REEP3: variants seen among roughly 807,000 people sequenced by gnomAD.
The protein encoded by REEP3 is receptor expression-enhancing protein 3.
In REEP3, 20 loss-of-function variants were observed where a neutral mutation model predicts 41.3. The observed-to-expected ratio is 0.48, with a 90% confidence interval of 0.34 to 0.70. The LOEUF (loss-of-function observed/expected upper bound fraction) is 0.70, where lower values mean the gene tolerates loss of function less well. REEP3 is among the 30% of genes least tolerant of loss of function. REEP3 has a pLI of 0.01. For synonymous variants in REEP3, 104 were observed against 101.8 expected (o/e 1.02, Z -0.13); for missense variants, 271 against 308.8 (o/e 0.88, Z 0.92).
chr10:63,549,032 G>T (rs1955603858), intron 1 of REEP3, among the ~76,000 whole-genome samples: 1 of 151,528 alleles, frequency 6.6e-6, no homozygotes, highest in African/African-American at 2.4e-5. Flanking sequence ...CTTACTCAGA[G>T]GCCAGAGGCC....
intron 1 of REEP3, among the ~76,000 whole-genome samples, chr10:63,540,277 T>C (rs1487699935): frequency 6.6e-6 from 1 of 152,226 alleles, no homozygotes; most frequent in African/African-American, 2.4e-5. Flanking sequence ...TTCCAGTTAG[T>C]ATGAGAACAA....
intron 2 of REEP3, among the ~76,000 whole-genome samples, chr10:63,566,867 G>C (rs1955804142): frequency 6.6e-6 from 1 of 151,880 alleles, no homozygotes; most frequent in African/African-American, 2.4e-5. Flanking sequence ...TTTCCTTCTT[G>C]AATCAGACTC....
At chr10:63,616,280 A>G (rs746566602) in intron 6 of REEP3, among the ~76,000 whole-genome samples, 2 of 151,714 alleles carry the variant, frequency 1.3e-5, no homozygotes, top group African/African-American at 2.4e-5. Context: ...TGCTGATTAC[A>G]TTCTCTTACT....
intron 3 of REEP3, among the ~76,000 whole-genome samples, chr10:63,595,510 C>G (rs1183464852): frequency 6.6e-6 from 1 of 152,200 alleles, no homozygotes; most frequent in East Asian, 1.9e-4. Flanking sequence ...TACTACCTTG[C>G]TGATATCTTC....
chr10:63,604,357 A>T (rs947177294), intron 5 of REEP3, among the ~76,000 whole-genome samples: 3 of 152,224 alleles, frequency 2.0e-5, no homozygotes, highest in Non-Finnish European at 4.4e-5. Flanking sequence ...TGAGAAACAT[A>T]GGTGGTTTCG....
At chr10:63,572,932 C>G (rs956557484) in intron 2 of REEP3, among the ~76,000 whole-genome samples, 1 of 152,118 alleles carries the variant, frequency 6.6e-6, no homozygotes, top group Non-Finnish European at 1.5e-5. Flanking sequence ...TCTAGTTTAC[C>G]AGCTTTGATT....
intron 2 of REEP3, among the ~76,000 whole-genome samples, chr10:63,577,712 G>C (rs553723203): frequency 6.6e-6 from 1 of 152,120 alleles, no homozygotes; most frequent in African/African-American, 2.4e-5. Context: ...AGGATTGTTA[G>C]GCATGAACCA....
intron 2 of REEP3, among the ~76,000 whole-genome samples, chr10:63,575,142 C>T (rs922136643): frequency 2.0e-5 from 3 of 152,148 alleles, no homozygotes; most frequent in Non-Finnish European, 4.4e-5. Flanking sequence ...GCATTAGCCA[C>T]CGCACCCAGA....
intron 5 of REEP3, among the ~76,000 whole-genome samples, chr10:63,603,432 A>G (rs939833356): frequency 6.6e-6 from 1 of 151,960 alleles, no homozygotes; most frequent in Non-Finnish European, 1.5e-5. Flanking sequence ...TCTATTTCAT[A>G]TATCTATTTT....
intron 5 of REEP3, among the ~76,000 whole-genome samples, chr10:63,601,578 A>G (rs1451687991): frequency 1.3e-5 from 2 of 152,140 alleles, no homozygotes; most frequent in African/African-American, 2.4e-5. Context: ...TCTCTGGTAG[A>G]CCTACAAAGC....
intron 2 of REEP3, among the ~76,000 whole-genome samples, chr10:63,581,137 G>A (rs12768534): frequency 0.44 from 67,066 of 151,904 alleles, 15,028 homozygotes; most frequent in Middle Eastern, 0.48. Flanking sequence ...TCTGTCTTTG[G>A]AATACCCAGA....
At chr10:63,583,244 G>T (rs1229438524) in intron 2 of REEP3, among the ~76,000 whole-genome samples, 1 of 152,150 alleles carries the variant, frequency 6.6e-6, no homozygotes, top group East Asian at 1.9e-4. Context: ...GCCCACCTCA[G>T]CCTCCCAAAG....
chr10:63,530,716 A>T (rs980958080), intron 1 of REEP3, among the ~76,000 whole-genome samples: 2 of 152,098 alleles, frequency 1.3e-5, no homozygotes, highest in Admixed American at 1.3e-4. Context: ...CCCTTTTAGG[A>T]TGGAGATTTT....
At chr10:63,591,206 A>G (rs972216415) in intron 2 of REEP3, among the ~76,000 whole-genome samples, 3 of 150,802 alleles carry the variant, frequency 2.0e-5, no homozygotes, top group African/African-American at 7.3e-5. Flanking sequence ...AATGGCCTTG[A>G]GGTGTAGTTT....
rs67568146 is a variant in REEP3 at position 63,622,705 on chromosome 10, C to CTTTTTTTTTTTTTTTTTTTTTTTT, written c.*1856_*1857insTTTTTTTTTTTTTTTTTTTTTTTT. The CTTTTTTTTTTTTTTTTTTTTTTTT allele has an allele frequency of 1.7e-5, 2 of 116,604 alleles. No homozygotes were observed. Among genetic ancestry groups the CTTTTTTTTTTTTTTTTTTTTTTTT allele is most frequent in the African/African-American group, 7.1e-5 (2 of 28,060 alleles). The allele number at this position is 116,604 out of a possible 1,614,324, so 7.2% of individuals were successfully genotyped here. On this transcript the variant is annotated 3_prime_UTR_variant, in exon 8 of 8. Transcript: ENST00000373758. Reference sequence around the variant, plus strand: ...TGGGAGCTGATTTGCACCATTTTACCTTTTTTTTTTTTTTTTTTTTGAGAC... The same window carrying CTTTTTTTTTTTTTTTTTTTTTTTT: ...TGGGAGCTGATTTGCACCATTTTACCTTTTTTTTTTTTTTTTTTTTTTTTTTTTTTTTTTTTTTTTTTTTGAGAC...
intron 6 of REEP3, among the ~76,000 whole-genome samples, chr10:63,618,799 C>T (rs1439404246): frequency 6.6e-6 from 1 of 152,226 alleles, no homozygotes; most frequent in Non-Finnish European, 1.5e-5. Context: ...CTCAAGGTAA[C>T]TCTGACGTGC....
At chr10:63,584,015 C>G (rs1271072000) in intron 2 of REEP3, among the ~76,000 whole-genome samples, 1 of 152,096 alleles carries the variant, frequency 6.6e-6, no homozygotes, top group Non-Finnish European at 1.5e-5. Flanking sequence ...TCCCATCTCT[C>G]AAGTTTCTTA....
chr10:63,604,075 G>T (rs923639310), intron 5 of REEP3, among the ~76,000 whole-genome samples: 10 of 152,118 alleles, frequency 6.6e-5, no homozygotes, highest in Admixed American at 2.0e-4. Context: ...TTGGACTCTT[G>T]GTGTGACCTT....
chr10:63,577,755 GA>G, intron 2 of REEP3, among the ~76,000 whole-genome samples: 1 of 152,118 alleles, frequency 6.6e-6, no homozygotes, highest in South Asian at 2.1e-4. Flanking sequence ...TTTTGACCAG[GA>G]ATTTTGCCAC....
Sources: gnomAD v4.1 joint callset for allele counts (sites outside exome capture counted in the v4.1 genomes callset) on GRCh38, gnomAD v4.1.1 for gene constraint, MANE v1.5 for transcripts, NCBI Gene and HGNC (gene_info 2026-07-23, HGNC 2026-07-21) for gene names.